Variants in CCSER1 observed in about 807,000 individuals in gnomAD.
CCSER1 encodes serine-rich coiled-coil domain-containing protein 1.
CCSER1 carries 41 observed loss-of-function variants against 82.0 expected under a neutral mutation model. That is an observed-to-expected ratio of 0.50 (90% CI 0.39 to 0.65). The LOEUF is 0.65. CCSER1 is among the 30% of genes least tolerant of loss of function. The pLI is 0.00. For synonymous variants in CCSER1, 414 were observed against 383.9 expected, an observed-to-expected ratio of 1.08 and a Z score of -0.92; for missense variants, 1,119 against 1,064.2, an observed-to-expected ratio of 1.05 and a Z score of -0.72.
chr4:91,467,905 G>A (rs1757019346), intron 10 of CCSER1, among the ~76,000 whole-genome samples: 1 of 152,174 alleles, frequency 6.6e-6, no homozygotes, highest in Admixed American at 6.5e-5. Flanking sequence ...CTTTTGGTGG[G>A]ACTGTAAACT....
chr4:90,557,738 G>T (rs1778302466), intron 5 of CCSER1, among the ~76,000 whole-genome samples: 1 of 152,032 alleles, frequency 6.6e-6, no homozygotes, highest in Non-Finnish European at 1.5e-5. Flanking sequence ...AACTCTGAAG[G>T]TGTTTCTCAG....
intron 5 of CCSER1, among the ~76,000 whole-genome samples, chr4:90,596,273 T>G (rs1017045076): frequency 5.3e-5 from 8 of 151,956 alleles, no homozygotes; most frequent in African/African-American, 1.9e-4. Context: ...TTATTTATGA[T>G]CATTTATGTT....
chr4:90,791,281 G>A (rs997979684), intron 7 of CCSER1, among the ~76,000 whole-genome samples: 1 of 152,174 alleles, frequency 6.6e-6, no homozygotes, highest in Non-Finnish European at 1.5e-5. Context: ...TGAGATTTGG[G>A]TAGGGACACA....
chr4:91,540,654 C>A (rs1761540733), intron 10 of CCSER1, among the ~76,000 whole-genome samples: 1 of 152,068 alleles, frequency 6.6e-6, no homozygotes, highest in Admixed American at 6.6e-5. Flanking sequence ...CTTCTGTTAT[C>A]TTCAAGAGGT....
chr4:91,282,615 A>G (rs1441515256), intron 10 of CCSER1, among the ~76,000 whole-genome samples: 1 of 152,176 alleles, frequency 6.6e-6, no homozygotes, highest in Non-Finnish European at 1.5e-5. Context: ...TAGACAAAGG[A>G]AATTTAAGCA....
intron 9 of CCSER1, among the ~76,000 whole-genome samples, chr4:91,002,037 T>C (rs957960348): frequency 6.6e-6 from 1 of 152,206 alleles, no homozygotes; most frequent in Non-Finnish European, 1.5e-5. Context: ...GATCCAAAAT[T>C]CGTGCCTGAT....
chr4:90,174,330 C>G (rs1413963401), intron 1 of CCSER1, among the ~76,000 whole-genome samples: 4 of 151,896 alleles, frequency 2.6e-5, no homozygotes, highest in Non-Finnish European at 5.9e-5. Flanking sequence ...GATGGAGTAA[C>G]AGGGATCAGA....
At chr4:91,443,934 C>T (rs1428022957) in intron 10 of CCSER1, among the ~76,000 whole-genome samples, 1 of 151,354 alleles carries the variant, frequency 6.6e-6, no homozygotes, top group Non-Finnish European at 1.5e-5. Context: ...TTAATAATAC[C>T]CTTATTGAAT....
intron 1 of CCSER1, among the ~76,000 whole-genome samples, chr4:90,289,538 A>G (rs1730539234): frequency 6.6e-6 from 1 of 151,876 alleles, no homozygotes; most frequent in South Asian, 2.1e-4. Flanking sequence ...TTTCCAGAGT[A>G]TCTGTACACT....
intron 6 of CCSER1, among the ~76,000 whole-genome samples, chr4:90,686,836 A>C (rs978336033): frequency 6.6e-6 from 1 of 152,190 alleles, no homozygotes. Context: ...CTGCCAATTT[A>C]GTGTTTTAAA....
chr4:90,611,473 T>C (rs60713965), intron 5 of CCSER1, among the ~76,000 whole-genome samples: 2,008 of 152,048 alleles, frequency 0.013, 50 homozygotes, highest in African/African-American at 0.045. Context: ...GTTGGTTGCT[T>C]TGAGAGAATA....
At chr4:90,749,293 A>G (rs1334163126) in intron 7 of CCSER1, among the ~76,000 whole-genome samples, 11 of 151,900 alleles carry the variant, frequency 7.2e-5, no homozygotes, top group East Asian at 1.9e-4. Flanking sequence ...ATTAAATAGG[A>G]AATCCTTTCC....
chr4:91,174,085 T>A (rs1055353545), intron 10 of CCSER1, among the ~76,000 whole-genome samples: 8 of 152,210 alleles, frequency 5.3e-5, no homozygotes, highest in African/African-American at 1.9e-4. Flanking sequence ...TGAAGGGATC[T>A]TGAAGCTTAA....
chr4:91,483,500 A>G (rs1758056041), intron 10 of CCSER1, among the ~76,000 whole-genome samples: 1 of 151,136 alleles, frequency 6.6e-6, no homozygotes, highest in Admixed American at 6.6e-5. Context: ...CAATGGGGTG[A>G]TCTTGGCTCA....
chr4:91,480,191 C>T (rs1757829174), intron 10 of CCSER1, among the ~76,000 whole-genome samples: 5 of 151,790 alleles, frequency 3.3e-5, no homozygotes, highest in African/African-American at 7.3e-5. Flanking sequence ...TGAATAATGC[C>T]GCAATGAACA....
chr4:91,001,263 T>C (rs1427244275), intron 9 of CCSER1, among the ~76,000 whole-genome samples: 1 of 152,208 alleles, frequency 6.6e-6, no homozygotes, highest in Non-Finnish European at 1.5e-5. Context: ...GAAGCCTACT[T>C]GATCATGATA....
chr4:90,387,180 TTA>T (rs1456695980), intron 3 of CCSER1, among the ~76,000 whole-genome samples: 1 of 152,160 alleles, frequency 6.6e-6, no homozygotes, highest in Non-Finnish European at 1.5e-5. Flanking sequence ...TATTTTAACA[TTA>T]TGTTACTTTA....
At chr4:90,522,940 A>G (rs1773314338) in intron 5 of CCSER1, among the ~76,000 whole-genome samples, 1 of 152,080 alleles carries the variant, frequency 6.6e-6, no homozygotes, top group Non-Finnish European at 1.5e-5. Context: ...TACAACCTCT[A>G]TGATACTATT....
chr4:91,325,542 A>G (rs1528574), intron 10 of CCSER1, among the ~76,000 whole-genome samples: 97,977 of 152,056 alleles, frequency 0.64, 31,742 homozygotes, highest in Middle Eastern at 0.71. Flanking sequence ...GACCAAATCA[A>G]CATAAGCTTT....
Sources: allele counts gnomAD v4.1 joint callset (sites outside exome capture counted in the v4.1 genomes callset), GRCh38; gene constraint gnomAD v4.1.1; transcripts MANE v1.5; gene names NCBI Gene and HGNC (gene_info 2026-07-23, HGNC 2026-07-21).